The following PPARGC1A variants were observed in gnomAD, a reference collection of about 807,000 sequenced individuals.
PPARGC1A encodes the protein PPARG coactivator 1 alpha.
A neutral mutation model predicts 88.7 loss-of-function variants in PPARGC1A; 25 were observed. The observed-to-expected ratio is 0.28, with a 90% confidence interval of 0.21 to 0.39. The LOEUF (loss-of-function observed/expected upper bound fraction) is 0.39, where lower values mean the gene tolerates loss of function less well. Among genes scored for constraint, PPARGC1A ranks in the 10% least tolerant of loss-of-function variants. The pLI, the probability that PPARGC1A is intolerant of heterozygous loss-of-function variation, is 1.00. For missense variants in PPARGC1A, 880 were observed against 968.7 expected, an observed-to-expected ratio of 0.91 and a Z score of 1.22; for synonymous variants, 363 against 355.6, an observed-to-expected ratio of 1.02 and a Z score of -0.24.
intron 7 of PPARGC1A, among the ~76,000 whole-genome samples, chr4:23,819,836 A>T (rs1210561398): frequency 6.6e-6 from 1 of 152,152 alleles, no homozygotes; most frequent in Non-Finnish European, 1.5e-5. Context: ...ACAGGAATAG[A>T]TTATGTGGCC....
the PPARGC1A span, among the ~76,000 whole-genome samples, chr4:23,913,279 G>T: frequency 0.058 from 6,776 of 116,018 alleles, 156 homozygotes; most frequent in Non-Finnish European, 0.068. Context: ...GAGAGAGAGA[G>T]AGAGAGAGAG....
the PPARGC1A span, among the ~76,000 whole-genome samples, chr4:24,302,653 C>T: frequency 3.3e-5 from 5 of 152,180 alleles, no homozygotes; most frequent in East Asian, 3.9e-4. Context: ...GGTCACTTAG[C>T]GAGTCAGGGG....
the PPARGC1A span, among the ~76,000 whole-genome samples, chr4:24,196,879 G>T: frequency 1.3e-5 from 2 of 152,180 alleles, no homozygotes; most frequent in Non-Finnish European, 2.9e-5. Context: ...TTGAAACAGG[G>T]GGATCTAATT....
At chr4:24,085,049 T>G in the PPARGC1A span, among the ~76,000 whole-genome samples, 1 of 152,182 alleles carries the variant, frequency 6.6e-6, no homozygotes, top group South Asian at 2.1e-4. Flanking sequence ...ACATATTTCT[T>G]TAAACATGAA....
At chr4:24,134,288 C>T in the PPARGC1A span, among the ~76,000 whole-genome samples, 1 of 152,220 alleles carries the variant, frequency 6.6e-6, no homozygotes, top group Admixed American at 6.5e-5. Flanking sequence ...CCTGCCCTCA[C>T]GTTACTGAGG....
the PPARGC1A span, among the ~76,000 whole-genome samples, chr4:23,912,639 C>T: frequency 6.6e-6 from 1 of 152,070 alleles, no homozygotes; most frequent in Non-Finnish European, 1.5e-5. Flanking sequence ...AGAAAGAATT[C>T]CCTATGAGCT....
At chr4:24,000,172 C>A in the PPARGC1A span, among the ~76,000 whole-genome samples, 3 of 152,016 alleles carry the variant, frequency 2.0e-5, no homozygotes, top group Non-Finnish European at 4.4e-5. Context: ...ATGTCTTCCA[C>A]ATTCAGGCCA....
the PPARGC1A span, among the ~76,000 whole-genome samples, chr4:24,178,979 C>T: frequency 1.3e-5 from 2 of 152,086 alleles, no homozygotes; most frequent in African/African-American, 4.8e-5. Context: ...TACAGCTTAT[C>T]TTCATTTTTT....
chr4:24,107,890 T>C, the PPARGC1A span, among the ~76,000 whole-genome samples: 1 of 152,224 alleles, frequency 6.6e-6, no homozygotes, highest in South Asian at 2.1e-4. Flanking sequence ...AGATGCTGCA[T>C]AGAGATTAAA....
chr4:23,932,123 G>A, the PPARGC1A span, among the ~76,000 whole-genome samples: 1 of 152,050 alleles, frequency 6.6e-6, no homozygotes, highest in African/African-American at 2.4e-5. Flanking sequence ...TTCAACAAAC[G>A]GAAATAGCAA....
the PPARGC1A span, among the ~76,000 whole-genome samples, chr4:24,049,302 ATGTGTG>A: frequency 2.8e-4 from 13 of 46,054 alleles, no homozygotes; most frequent in African/African-American, 5.2e-4. Context: ...GTATATATAT[ATGTGTG>A]TATATATATA....
At chr4:24,345,489 A>G in the PPARGC1A span, among the ~76,000 whole-genome samples, 2 of 152,010 alleles carry the variant, frequency 1.3e-5, no homozygotes, top group Non-Finnish European at 2.9e-5. Context: ...TTTGTTAGGT[A>G]TATTCCTAAA....
chr4:24,234,847 T>A, the PPARGC1A span, among the ~76,000 whole-genome samples: 3 of 152,206 alleles, frequency 2.0e-5, no homozygotes, highest in Non-Finnish European at 4.4e-5. Flanking sequence ...AAGTAAGATA[T>A]GCTTTTCTTT....
Position 23,795,893 on chromosome 4 carries a change from T to G in PPARGC1A, c.2326A>C (p.Thr776Pro). The change falls in exon 13 of 13, where the codon ACC (threonine) becomes CCC (proline). Residue 776 changes from threonine (T) to proline (P), a missense_variant. Transcript: ENST00000264867. ...TCCAGAGAGTCATACTTGCTCTTGG[T>G]GGAAGCAGGGTCAAAGTCATCTGAG... ...SNSDDFDPAS[T>P]KSKYDSLDFD... 6.2e-7 allele frequency: 1 copy of G among 1,611,990 alleles called. No individual in the cohort carries two copies. The highest frequency in any genetic ancestry group is 1.1e-5 in the South Asian group (1 of 90,830).
At chr4:23,903,232 G>T (rs1719627031), upstream of PPARGC1A, among the ~76,000 whole-genome samples, 1 of 152,130 alleles carries the variant, frequency 6.6e-6, no homozygotes, top group Non-Finnish European at 1.5e-5. Context: ...TTAATTGAAG[G>T]TGTGCATCAT....
At chr4:24,017,536 G>C in the PPARGC1A span, among the ~76,000 whole-genome samples, 2 of 152,096 alleles carry the variant, frequency 1.3e-5, no homozygotes, top group Non-Finnish European at 2.9e-5. Flanking sequence ...CACATACAGA[G>C]AGAGGGAAAG....
the PPARGC1A span, among the ~76,000 whole-genome samples, chr4:23,949,682 C>T: frequency 6.6e-6 from 1 of 152,118 alleles, no homozygotes; most frequent in Non-Finnish European, 1.5e-5. Context: ...ATGTCTTCTT[C>T]CTCTAGAACC....
At chr4:24,066,849 G>GTTTTTTTTTTTTTTTTTTTTTTTTTTGTT in the PPARGC1A span, among the ~76,000 whole-genome samples, 1 of 100,880 alleles carries the variant, frequency 9.9e-6, no homozygotes, top group Non-Finnish European at 1.9e-5. Flanking sequence ...TTTGTTTTGG[G>GTTTTTTTTTTTTTTTTTTTTTTTTTTGTT]TTTTTTTTTT....
At chr4:24,099,216 G>T in the PPARGC1A span, among the ~76,000 whole-genome samples, 1 of 128,690 alleles carries the variant, frequency 7.8e-6, no homozygotes, top group East Asian at 2.4e-4. Context: ...TAGATTGAAT[G>T]AAAAACAAAA....
Sources: allele counts gnomAD v4.1 joint callset (sites outside exome capture counted in the v4.1 genomes callset), GRCh38; gene constraint gnomAD v4.1.1; transcripts MANE v1.5; gene names NCBI Gene and HGNC (gene_info 2026-07-23, HGNC 2026-07-21).